LCLAT1: variants seen among roughly 807,000 people sequenced by gnomAD.
LCLAT1 encodes the protein lysocardiolipin acyltransferase 1.
Under a neutral mutation model 30.7 loss-of-function variants are expected in LCLAT1, and 11 were observed. The ratio of observed to expected loss-of-function variants is 0.36; its 90% CI spans 0.23 to 0.59. The LOEUF (loss-of-function observed/expected upper bound fraction) is 0.59. Among genes scored for constraint, LCLAT1 ranks in the 20% least tolerant of loss-of-function variants. LCLAT1 has a pLI of 0.77. For missense variants in LCLAT1, 402 were observed against 458.6 expected (o/e 0.88, Z 1.13); for synonymous variants, 155 against 151.3 (o/e 1.02, Z -0.18).
At chr2:30,504,840 A>G (rs1231264713) in intron 1 of LCLAT1, among the ~76,000 whole-genome samples, 1 of 152,186 alleles carries the variant, frequency 6.6e-6, no homozygotes, top group African/African-American at 2.4e-5. Flanking sequence ...AGGCAACCGC[A>G]TGTGTCATTG....
chr2:30,493,383 A>G (rs1376160789), intron 1 of LCLAT1, among the ~76,000 whole-genome samples: 1 of 152,212 alleles, frequency 6.6e-6, no homozygotes, highest in Non-Finnish European at 1.5e-5. Context: ...GAATGTACAT[A>G]AAAAACTGAA....
chr2:30,632,035 A>G (rs189994537), intron 5 of LCLAT1, among the ~76,000 whole-genome samples: 6 of 152,364 alleles, frequency 3.9e-5, no homozygotes, highest in Admixed American at 3.9e-4. Flanking sequence ...ATTGGGAGAG[A>G]TAAACAGCAC....
At chr2:30,586,863 T>C (rs1247933806) in intron 5 of LCLAT1, among the ~76,000 whole-genome samples, 1 of 152,234 alleles carries the variant, frequency 6.6e-6, no homozygotes, top group Non-Finnish European at 1.5e-5. Flanking sequence ...ACCATGCAAC[T>C]ACACGGACAC....
chr2:30,466,086 T>G (rs747672377), intron 1 of LCLAT1, among the ~76,000 whole-genome samples: 1 of 152,252 alleles, frequency 6.6e-6, no homozygotes, highest in Admixed American at 6.5e-5. Context: ...TTTTCTTGCT[T>G]TATTAAAAAT....
rs145194047 is a variant in LCLAT1 at position 30,601,416 on chromosome 2, TCAA to T, written c.628+33243_628+33245del. 6.6e-3 allele frequency among the ~76,000 whole-genome samples: 1,006 copies of T among 152,322 alleles called. 10 individuals carry two copies. The highest frequency in any genetic ancestry group is 0.023 in the African/African-American group (956 of 41,570). ...TGTTGTAATATTTCTAGGCCATTTT[TCAA>T]CACTAAGTAAGTTGCTTTGTAAGTG... On this transcript the variant is annotated intron_variant, in intron 5 of 5. Coordinates refer to ENST00000379509, the MANE Select transcript of LCLAT1 (RefSeq NM_001002257.3).
intron 1 of LCLAT1, among the ~76,000 whole-genome samples, chr2:30,496,548 C>A (rs1414869800): frequency 6.6e-6 from 1 of 152,106 alleles, no homozygotes; most frequent in Non-Finnish European, 1.5e-5. Context: ...GGGCACAAAC[C>A]CATTTTTTCA....
intron 4 of LCLAT1, 97 bp downstream of exon 4, chr2:30,562,389 T>G: frequency 2.3e-5 from 22 of 974,946 alleles, no homozygotes; most frequent in Non-Finnish European, 3.1e-5. Context: ...ATAATGGCTC[T>G]TCCAGGTGTG....
chr2:30,634,776 A>T (rs1668944668), intron 5 of LCLAT1, among the ~76,000 whole-genome samples: 1 of 152,204 alleles, frequency 6.6e-6, no homozygotes, highest in South Asian at 2.1e-4. Context: ...TTCTTTACAG[A>T]TTACAGTATT....
At chr2:30,573,329 T>C (rs1665864600) in intron 5 of LCLAT1, among the ~76,000 whole-genome samples, 1 of 152,196 alleles carries the variant, frequency 6.6e-6, no homozygotes, top group South Asian at 2.1e-4. Context: ...CTGGACTTTC[T>C]AGCTCTGGTC....
intron 2 of LCLAT1, among the ~76,000 whole-genome samples, chr2:30,527,455 T>C (rs1429080478): frequency 6.6e-6 from 1 of 152,234 alleles, no homozygotes; most frequent in African/African-American, 2.4e-5. Flanking sequence ...TGTTGAATCT[T>C]TCTGCCAAAA....
At chr2:30,512,336 C>T (rs1054395747) in intron 1 of LCLAT1, among the ~76,000 whole-genome samples, 10 of 151,928 alleles carry the variant, frequency 6.6e-5, no homozygotes, top group African/African-American at 2.2e-4. Context: ...CCTCATTTTC[C>T]TTATGTTGAT....
chr2:30,515,250 C>T (rs751891959), intron 1 of LCLAT1, among the ~76,000 whole-genome samples: 50 of 152,214 alleles, frequency 3.3e-4, no homozygotes, highest in Admixed American at 1.6e-3. Flanking sequence ...CTACCCTTAA[C>T]ACCTGTTGCA....
chr2:30,505,544 T>C (rs2148349592), intron 1 of LCLAT1, among the ~76,000 whole-genome samples: 1 of 152,254 alleles, frequency 6.6e-6, no homozygotes, highest in Middle Eastern at 3.4e-3. Context: ...TGGGTGACTA[T>C]TGTCATAACA....
chr2:30,502,996 C>G (rs1440802027), intron 1 of LCLAT1, among the ~76,000 whole-genome samples: 3 of 152,206 alleles, frequency 2.0e-5, no homozygotes, highest in Non-Finnish European at 4.4e-5. Context: ...AACGTATGGT[C>G]TCTTGGCAGT....
chr2:30,582,808 A>G (rs1666261855), intron 5 of LCLAT1, among the ~76,000 whole-genome samples: 1 of 152,258 alleles, frequency 6.6e-6, no homozygotes, highest in African/African-American at 2.4e-5. Context: ...AGAGGCAGCA[A>G]TTACAGAAAA....
At chr2:30,621,306 A>G (rs1668236586) in intron 5 of LCLAT1, among the ~76,000 whole-genome samples, 1 of 152,134 alleles carries the variant, frequency 6.6e-6, no homozygotes, top group Non-Finnish European at 1.5e-5. Context: ...TCCTATATTG[A>G]GGCCTCAATC....
chr2:30,576,084 C>T (rs1665982479), intron 5 of LCLAT1, among the ~76,000 whole-genome samples: 1 of 152,094 alleles, frequency 6.6e-6, no homozygotes, highest in Admixed American at 6.6e-5. Context: ...TTGTATTTTA[C>T]TCATGCATAA....
At chr2:30,558,882 G>C (rs934969560) in intron 3 of LCLAT1, among the ~76,000 whole-genome samples, 6 of 152,050 alleles carry the variant, frequency 3.9e-5, no homozygotes. Context: ...TGGGTGCTCA[G>C]GTTTAACGAA....
chr2:30,580,409 C>T lies in LCLAT1; in HGVS notation c.628+12233C>T, dbSNP rs143163331. 2.6e-5 allele frequency among the ~76,000 whole-genome samples: 4 copies of T among 152,152 alleles called. No individual in the cohort carries two copies. The East Asian group carries it at 7.7e-4, about 29-fold the overall frequency. On this transcript the variant is annotated intron_variant, in intron 5 of 5. Transcript: ENST00000379509. ...TTGAACGTAAAATCTGAGAAGTATC[C>T]TTTGGGTGCAGCAACTATAATGTAT...
Sources: gnomAD v4.1 joint callset for allele counts (sites outside exome capture counted in the v4.1 genomes callset) on GRCh38, gnomAD v4.1.1 for gene constraint, MANE v1.5 for transcripts, NCBI Gene and HGNC (gene_info 2026-07-23, HGNC 2026-07-21) for gene names.